Variants in AOAH observed in about 807,000 individuals in gnomAD.
AOAH encodes acyloxyacyl hydrolase (neutrophil).
Under a neutral mutation model 92.2 loss-of-function variants are expected in AOAH, and 64 were observed. The observed-to-expected ratio is 0.69, with a 90% CI of 0.57 to 0.86. The LOEUF is 0.86. Among genes scored for constraint, AOAH ranks in the 40% least tolerant of loss-of-function variants. The pLI, the probability that AOAH is intolerant of heterozygous loss-of-function variation, is 0.00. For missense variants in AOAH, 656 were observed against 694.6 expected (o/e 0.94, Z 0.62); for synonymous variants, 263 against 254.5 (o/e 1.03, Z -0.32).
chr7:36,571,044 T>G (rs1788111221), intron 13 of AOAH, among the ~76,000 whole-genome samples: 1 of 152,120 alleles, frequency 6.6e-6, no homozygotes, highest in Non-Finnish European at 1.5e-5. Context: ...AGGGCTCGCC[T>G]GCTGAGTCAG....
At chr7:36,663,205 T>C (rs1795320438) in intron 3 of AOAH, among the ~76,000 whole-genome samples, 1 of 152,142 alleles carries the variant, frequency 6.6e-6, no homozygotes, top group Non-Finnish European at 1.5e-5. Context: ...GAGAGGAAAA[T>C]ACAGAGATGT....
chr7:36,614,430 A>G lies in AOAH; in HGVS notation c.846+1950T>C, dbSNP rs562875595. Among the ~76,000 whole-genome samples, 318 of 143,442 alleles carry G rather than the reference A, an allele frequency of 2.2e-3. 1 individual carries two copies. Among genetic ancestry groups the G allele is most frequent in the African/African-American group, 7.6e-3 (298 of 39,378 alleles). The allele number at this position is 143,442 out of a possible 152,430, so 94.1% of individuals were successfully genotyped here. On this transcript the variant is annotated intron_variant, in intron 11 of 20. Coordinates refer to ENST00000617537, the MANE Select transcript of AOAH (RefSeq NM_001637.4). This position sits in a 1 kb window ranked among gnomAD's most constrained non-coding sequence, Gnocchi z 4.2. ...GCTGCCCCACCTTGAACTTCTTAAC[A>G]ATCTTATTTTTGAATTTGTGTTTGT...
At chr7:36,627,851 T>G (rs938655199) in intron 6 of AOAH, among the ~76,000 whole-genome samples, 3 of 152,216 alleles carry the variant, frequency 2.0e-5, no homozygotes, top group African/African-American at 2.4e-5. Context: ...TGTGGCTGAT[T>G]GTTATTAATG....
At chr7:36,638,896 G>A (rs987560793) in intron 4 of AOAH, among the ~76,000 whole-genome samples, 1 of 152,210 alleles carries the variant, frequency 6.6e-6, no homozygotes, top group African/African-American at 2.4e-5. Flanking sequence ...GTGAACAGCT[G>A]TGTCCCTAAG....
chr7:36,639,298 T>C (rs1331041420), intron 4 of AOAH, among the ~76,000 whole-genome samples: 1 of 152,204 alleles, frequency 6.6e-6, no homozygotes, highest in Admixed American at 6.5e-5. Flanking sequence ...ATTCTTATGG[T>C]GACTTTGTGG....
intron 20 of AOAH, among the ~76,000 whole-genome samples, chr7:36,521,679 CTT>C (rs780833627): frequency 2.2e-4 from 32 of 144,806 alleles, no homozygotes; most frequent in African/African-American, 4.5e-4. Flanking sequence ...TTCTTTCTTC[CTT>C]TTTTTTTTTT....
At chr7:36,707,650 G>A (rs531564633) in intron 1 of AOAH, among the ~76,000 whole-genome samples, 4 of 152,268 alleles carry the variant, frequency 2.6e-5, no homozygotes, top group African/African-American at 4.8e-5. Context: ...TCTGATGAAA[G>A]TTCAGCGATT....
intron 4 of AOAH, among the ~76,000 whole-genome samples, chr7:36,645,448 AAGAC>A (rs1232209974): frequency 6.6e-6 from 1 of 152,224 alleles, no homozygotes; most frequent in African/African-American, 2.4e-5. Context: ...AGCCCTAACT[AAGAC>A]AGGCAGATCA....
At chr7:36,566,774 A>T (rs1330849660) in intron 13 of AOAH, among the ~76,000 whole-genome samples, 2 of 152,134 alleles carry the variant, frequency 1.3e-5, no homozygotes, top group Non-Finnish European at 2.9e-5. Context: ...CTTGACTAGT[A>T]AGGGAAAAAT....
At chr7:36,530,174 T>A (rs1160287790) in intron 19 of AOAH, among the ~76,000 whole-genome samples, 1 of 152,208 alleles carries the variant, frequency 6.6e-6, no homozygotes, top group African/African-American at 2.4e-5. Context: ...TCACTGGCTC[T>A]ATTGCATCAG....
At chr7:36,623,313 CAAAT>C (rs1792421686) in intron 6 of AOAH, 63 bp from the exon 7 acceptor site, 5 of 1,436,728 alleles carry the variant, frequency 3.5e-6, no homozygotes, top group South Asian at 3.5e-5. Flanking sequence ...TTGGTGAAAA[CAAAT>C]AGAGAGACAT....
rs547920036 is a variant in AOAH at position 36,533,721 on chromosome 7, T to C, written c.1307-1377A>G. Among the ~76,000 whole-genome samples, 25 of 152,110 alleles carry C rather than the reference T, an allele frequency of 1.6e-4. 1 individual carries two copies. In the South Asian group the frequency reaches 3.5e-3, roughly 21 times the overall value. On this transcript the variant is annotated intron_variant, in intron 16 of 20. Transcript: ENST00000617537. ...TGTGTTTGTGTGTGTGTACTTTTTG[T>C]CATTTGCTCCCTTTCTGAATGTGTC...
In AOAH at chr7:36,716,411, G is replaced by A. The variant is rs575791169; in HGVS notation, c.127+7611C>T. ...TAGTTTAACCATTGTGGAAATCAGC[G>A]TGGCGATTCCTCAGGGATCTAGAAC... On this transcript the variant is annotated intron_variant, in intron 1 of 20. Transcript: ENST00000617537. 6.0e-5 allele frequency among the ~76,000 whole-genome samples: 9 copies of A among 149,836 alleles called. 1 individual carries two copies. The highest frequency in any genetic ancestry group is 2.0e-4 in the Admixed American group (3 of 15,166).
At position 36,692,195 on chromosome 7, in the gene AOAH, T is replaced by A. The variant is rs544360821; in HGVS notation, c.128-5401A>T. 2.2e-3 allele frequency among the ~76,000 whole-genome samples: 330 copies of A among 152,306 alleles called. 1 individual carries two copies. The highest frequency in any genetic ancestry group is 3.7e-3 in the Non-Finnish European group (254 of 68,020). ...CGTGATACCACACATAAAATGCACA[T>A]GGTGCCTGGCATGGAGCAGGCATTT... On this transcript the variant is annotated intron_variant, in intron 1 of 20. Coordinates refer to ENST00000617537, the MANE Select transcript of AOAH (RefSeq NM_001637.4).
In AOAH at chr7:36,614,778, A is replaced by G. The variant is rs982099803; in HGVS notation, c.846+1602T>C. 1.3e-5 allele frequency among the ~76,000 whole-genome samples: 2 copies of G among 152,232 alleles called. No homozygotes were observed. Among genetic ancestry groups the G allele is most frequent in the African/African-American group, 4.8e-5 (2 of 41,466 alleles). On this transcript the variant is annotated intron_variant, in intron 11 of 20. Transcript: ENST00000617537. This position sits in a 1 kb window ranked among gnomAD's most constrained non-coding sequence, Gnocchi z 4.2. ...CCGGCAGTGCTGGCATCTGGTGGGCAGAGGAGACAAACTCATTACCCATCC... is the reference window on the plus strand; with the variant it reads ...CCGGCAGTGCTGGCATCTGGTGGGCGGAGGAGACAAACTCATTACCCATCC...
intron 1 of AOAH, among the ~76,000 whole-genome samples, chr7:36,716,524 G>A (rs1309441582): frequency 2.0e-5 from 3 of 149,128 alleles, no homozygotes; most frequent in Non-Finnish European, 3.0e-5. Context: ...ACATGCACAC[G>A]TATGTTTATT....
intron 11 of AOAH, among the ~76,000 whole-genome samples, chr7:36,603,674 A>G (rs1790771813): frequency 6.6e-6 from 1 of 152,198 alleles, no homozygotes; most frequent in African/African-American, 2.4e-5. Flanking sequence ...GCTGTGTTCC[A>G]ATGAAACTTA....
At chr7:36,615,896 T>C (rs1239047977) in intron 11 of AOAH, among the ~76,000 whole-genome samples, 1 of 151,786 alleles carries the variant, frequency 6.6e-6, no homozygotes, top group Non-Finnish European at 1.5e-5. Context: ...TTTTTTTTAT[T>C]AAAAAACCCT....
chr7:36,648,980 T>C (rs1794408499), intron 4 of AOAH, among the ~76,000 whole-genome samples: 1 of 152,234 alleles, frequency 6.6e-6, no homozygotes, highest in African/African-American at 2.4e-5. Context: ...TGATTTTTTC[T>C]CTGTAAAGTT....
Sources: allele counts gnomAD v4.1 joint callset (sites outside exome capture counted in the v4.1 genomes callset), GRCh38; gene constraint gnomAD v4.1.1; non-coding constraint Gnocchi (gnomAD v3.1); transcripts MANE v1.5; gene names NCBI Gene and HGNC (gene_info 2026-07-23, HGNC 2026-07-21).